MILR1: variants seen among roughly 807,000 people sequenced by gnomAD.
The protein encoded by MILR1 is mast cell immunoglobulin like receptor 1, also known as allergin-1.
A neutral mutation model predicts 18.5 loss-of-function variants in MILR1; 31 were observed. That is an observed-to-expected ratio of 1.68 (90% CI 1.26 to 2.26). The LOEUF (loss-of-function observed/expected upper bound fraction) is 2.26. Ranked by LOEUF, MILR1 falls within the 30% of genes most tolerant of loss-of-function variation. MILR1 has a pLI of 0.00. For missense variants in MILR1, 257 were observed against 157.4 expected (o/e 1.63, Z -3.38); for synonymous variants, 85 against 56.2 (o/e 1.51, Z -2.30).
chr17:64,468,743 T>C (rs1208119737), downstream of MILR1: 3 of 562,126 alleles, frequency 5.3e-6, no homozygotes, highest in Non-Finnish European at 6.8e-6. Flanking sequence ...AGAAATATAA[T>C]GTCAGCCACA....
chr17:64,496,308 C>A, the MILR1 span: 5 of 749,132 alleles, frequency 6.7e-6, no homozygotes, highest in East Asian at 1.2e-4. Flanking sequence ...AACTTCCTTG[C>A]ATGGGAATAC....
intron 5 of MILR1, 28 bp downstream of exon 5, chr17:64,460,960 C>T (rs952166062): frequency 3.4e-5 from 16 of 471,008 alleles, no homozygotes; most frequent in Middle Eastern, 6.0e-4. Flanking sequence ...CTTTACCACC[C>T]GTTTTCCCGT....
chr17:64,486,896 ACTT>A, the MILR1 span: 3 of 152,252 alleles, frequency 2.0e-5, no homozygotes, highest in South Asian at 2.1e-4. Flanking sequence ...AAACAGACTT[ACTT>A]CTTCTCTAAA....
chr17:64,472,536 T>G (rs1373177245), downstream of MILR1, among the ~76,000 whole-genome samples: 2 of 95,312 alleles, frequency 2.1e-5, no homozygotes. Context: ...TGTTGCATAA[T>G]AACATTTCAG....
the MILR1 span, among the ~76,000 whole-genome samples, chr17:64,495,550 C>A: frequency 3.3e-5 from 5 of 152,174 alleles, no homozygotes; most frequent in Non-Finnish European, 5.9e-5. Flanking sequence ...GCACTCGAGT[C>A]TGGGTGACAG....
intron 4 of MILR1, among the ~76,000 whole-genome samples, chr17:64,459,341 G>A (rs1427310357): frequency 6.6e-6 from 1 of 152,144 alleles, no homozygotes; most frequent in East Asian, 1.9e-4. Flanking sequence ...GATGAGGTAG[G>A]AGGATTGCTT....
the MILR1 span, among the ~76,000 whole-genome samples, chr17:64,492,158 C>T: frequency 1.3e-5 from 2 of 152,220 alleles, no homozygotes; most frequent in East Asian, 1.9e-4. Flanking sequence ...TACCCTTCTG[C>T]GAAGTTCTTG....
At chr17:64,467,501 A>G in intron 8 of MILR1, 64 bp from the exon 9 acceptor site, 1 of 1,039,600 alleles carries the variant, frequency 9.6e-7, no homozygotes, top group Non-Finnish European at 1.4e-6. Flanking sequence ...TAGAAATAGG[A>G]TTTTTAAAAA....
intron 3 of MILR1, among the ~76,000 whole-genome samples, chr17:64,456,612 A>T (rs1403846853): frequency 3.9e-5 from 6 of 152,090 alleles, no homozygotes; most frequent in Non-Finnish European, 7.3e-5. Flanking sequence ...AGAGTTTGAG[A>T]CCAGCCCGGG....
At chr17:64,467,340 G>A (rs1322773081) in intron 8 of MILR1, among the ~76,000 whole-genome samples, 3 of 151,600 alleles carry the variant, frequency 2.0e-5, no homozygotes, top group Non-Finnish European at 4.4e-5. Flanking sequence ...TGAACTCCTG[G>A]GCTCAACCAA....
chr17:64,464,122 T>C, intron 5 of MILR1, among the ~76,000 whole-genome samples: 1 of 144,620 alleles, frequency 6.9e-6, no homozygotes, highest in Non-Finnish European at 1.5e-5. Flanking sequence ...TGACATTTTT[T>C]TTTTTTTTTT....
chr17:64,490,202 C>T, the MILR1 span, among the ~76,000 whole-genome samples: 1 of 152,132 alleles, frequency 6.6e-6, no homozygotes, highest in African/African-American at 2.4e-5. Context: ...GGATTACAGG[C>T]GTGAGCCACT....
chr17:64,465,562 GT>G (rs1568070955), intron 6 of MILR1, 21 bp downstream of exon 6: 1 of 1,585,364 alleles, frequency 6.3e-7, no homozygotes, highest in African/African-American at 1.3e-5. Context: ...TTTGTTGCGT[GT>G]TTTGGGTGGT....
intron 3 of MILR1, among the ~76,000 whole-genome samples, chr17:64,454,022 C>T (rs1426414313): frequency 2.3e-4 from 35 of 150,754 alleles, no homozygotes; most frequent in African/African-American, 7.8e-4. Context: ...CTCCGCCTTT[C>T]GAGTTCAAGC....
Position 64,465,497 on chromosome 17 carries a change from C to A in MILR1, c.809C>A (p.Ala270Asp). 6.2e-7 allele frequency: 1 copy of A among 1,610,912 alleles called. No individual in the cohort carries two copies. Among genetic ancestry groups the A allele is most frequent in the South Asian group, 1.1e-5 (1 of 90,132 alleles). The part of the protein sequence containing the change: ...NNVPRDRGDT[A>D]MEVGIYANIL... ...GTGCCCAGGGACCGTGGAGACACAG[C>A]CATGGAAGTTGGAATCTATGCAAAT... Residue 270 changes from alanine (A) to aspartate (D), a missense_variant, in exon 6 of 10, where the codon GCC becomes GAC. Ala to Asp is a moderately radical substitution (Grantham distance 126, BLOSUM62 -2). Transcript: ENST00000619286.
chr17:64,480,733 G>A, the MILR1 span, among the ~76,000 whole-genome samples: 5 of 152,166 alleles, frequency 3.3e-5, no homozygotes, highest in African/African-American at 9.7e-5. Flanking sequence ...CCAAAGGGCT[G>A]TATGAACTCA....
chr17:64,453,301 T>C (rs2037216225), intron 3 of MILR1, among the ~76,000 whole-genome samples: 1 of 152,086 alleles, frequency 6.6e-6, no homozygotes, highest in Non-Finnish European at 1.5e-5. Context: ...ACTCCTGACC[T>C]CAGGTGATCC....
the MILR1 span, among the ~76,000 whole-genome samples, chr17:64,488,532 ATTC>A: frequency 2.1e-4 from 32 of 152,284 alleles, no homozygotes; most frequent in Admixed American, 9.8e-4. Flanking sequence ...GCGAGACCCC[ATTC>A]TTCATACAAA....
At chr17:64,466,952 TCTCC>T (rs1311354548) in intron 8 of MILR1, among the ~76,000 whole-genome samples, 2 of 151,812 alleles carry the variant, frequency 1.3e-5, no homozygotes, top group Non-Finnish European at 2.9e-5. Context: ...TCCTTCCCTC[TCTCC>T]CTCCCTCCCT....
Sources: gnomAD v4.1 joint callset for allele counts (sites outside exome capture counted in the v4.1 genomes callset) on GRCh38, gnomAD v4.1.1 for gene constraint, MANE v1.5 for transcripts, NCBI Gene and HGNC (gene_info 2026-07-23, HGNC 2026-07-21) for gene names.